PSPC1: variants seen among roughly 807,000 people sequenced by gnomAD.
PSPC1 encodes the protein paraspeckle protein 1.
In PSPC1, 14 loss-of-function variants were observed where a neutral mutation model predicts 51.6. The ratio of observed to expected loss-of-function variants is 0.27; its 90% CI spans 0.18 to 0.42. PSPC1 has a LOEUF of 0.42. Ranked by LOEUF, PSPC1 falls within the 10% of genes least tolerant of loss-of-function variation. PSPC1 has a pLI of 1.00. For synonymous variants in PSPC1, 193 were observed against 231.9 expected (o/e 0.83, Z 1.53); for missense variants, 406 against 701.1 (o/e 0.58, Z 4.75).
intron 7 of PSPC1, chr13:19,675,431 C>T (rs1301800120): frequency 3.9e-5 from 6 of 152,112 alleles, no homozygotes; most frequent in African/African-American, 1.4e-4. Flanking sequence ...AAGCCAAAAC[C>T]CTCAATGCAA....
chr13:19,699,047 A>T (rs1053505378), downstream of PSPC1, among the ~76,000 whole-genome samples: 1 of 151,934 alleles, frequency 6.6e-6, no homozygotes, highest in Non-Finnish European at 1.5e-5. Context: ...GGTCAAATAA[A>T]ATCAGAAAAC....
chr13:19,734,908 G>C (rs1884584023), intron 5 of PSPC1, among the ~76,000 whole-genome samples: 1 of 151,432 alleles, frequency 6.6e-6, no homozygotes, highest in Admixed American at 6.6e-5. Context: ...AACCTGGGAA[G>C]TGGAGGTTGC....
At chr13:19,733,603 A>G (rs1884396774) in intron 5 of PSPC1, among the ~76,000 whole-genome samples, 1 of 151,888 alleles carries the variant, frequency 6.6e-6, no homozygotes, top group Non-Finnish European at 1.5e-5. Context: ...TCTACTAAAA[A>G]TACAAAAAAA....
At chr13:19,736,231 T>C (rs992488568) in intron 5 of PSPC1, among the ~76,000 whole-genome samples, 11 of 152,156 alleles carry the variant, frequency 7.2e-5, no homozygotes, top group African/African-American at 1.2e-4. Context: ...TTGTAACAGA[T>C]TTATTACTGC....
intron 4 of PSPC1, among the ~76,000 whole-genome samples, chr13:19,749,777 G>GC (rs997522840): frequency 6.6e-6 from 1 of 151,624 alleles, no homozygotes; most frequent in African/African-American, 2.4e-5. Flanking sequence ...GATTACAGGC[G>GC]CCCGCCACCA....
chr13:19,722,342 T>C (rs79190138), intron 6 of PSPC1, among the ~76,000 whole-genome samples: 2 of 151,080 alleles, frequency 1.3e-5, no homozygotes, highest in African/African-American at 4.9e-5. Context: ...ACAAAAAAAA[T>C]GTTTTTAATT....
At chr13:19,698,437 G>T (rs1237559987), downstream of PSPC1, among the ~76,000 whole-genome samples, 1 of 151,738 alleles carries the variant, frequency 6.6e-6, no homozygotes, top group Non-Finnish European at 1.5e-5. Context: ...GTAGGACCTC[G>T]TATTTAATGA....
intron 4 of PSPC1, among the ~76,000 whole-genome samples, chr13:19,747,517 G>C (rs1208512310): frequency 1.3e-5 from 2 of 152,090 alleles, no homozygotes; most frequent in Admixed American, 6.6e-5. Flanking sequence ...ACTTTTGGTA[G>C]AGACGGGGTC....
intron 5 of PSPC1, among the ~76,000 whole-genome samples, chr13:19,740,209 G>A (rs988493480): frequency 6.6e-6 from 1 of 152,104 alleles, no homozygotes; most frequent in Non-Finnish European, 1.5e-5. Flanking sequence ...CGAGCATGGT[G>A]GCACATGCCT....
chr13:19,691,208 A>T (rs866382242), intron 6 of PSPC1, among the ~76,000 whole-genome samples: 4 of 152,182 alleles, frequency 2.6e-5, no homozygotes, highest in Non-Finnish European at 5.9e-5. Flanking sequence ...CTGTGTGAAC[A>T]TTGATAAAGA....
rs1566002325 is a variant in PSPC1, at chr13:19,730,962, AAAC to A, written c.1053-621_1053-619del. On this transcript the variant is annotated intron_variant, in intron 5 of 8. Coordinates refer to ENST00000338910, the MANE Select transcript of PSPC1 (RefSeq NM_001354909.2). Reference sequence around the variant, plus strand: ...CCTGTCTCAGAAAAAAAAAACAAAAAAACAAAAAAAAAAAAAACAGAAAAAGTC... The same window carrying A: ...CCTGTCTCAGAAAAAAAAAACAAAAAAAAAAAAAAAAAAACAGAAAAAGTC... Among the ~76,000 whole-genome samples the A allele has an allele frequency of 1.6e-3, 31 of 19,814 alleles. 4 individuals carry two copies. Among genetic ancestry groups the A allele is most frequent in the Middle Eastern group, 0.02 (1 of 50 alleles). 13.0% of individuals were successfully genotyped at this position (19,814 alleles called of 152,430 possible).
intron 8 of PSPC1, among the ~76,000 whole-genome samples, chr13:19,703,854 A>G (rs1034047062): frequency 2.0e-5 from 3 of 152,212 alleles, no homozygotes; most frequent in African/African-American, 7.2e-5. Flanking sequence ...ACAAACATAC[A>G]CAAAGAATTA....
chr13:19,700,167 A>C (rs1419271845), downstream of PSPC1, among the ~76,000 whole-genome samples: 2 of 152,070 alleles, frequency 1.3e-5, no homozygotes, highest in African/African-American at 4.8e-5. Context: ...AATGACTACT[A>C]ATCATTCACA....
At position 19,722,021 on chromosome 13, in the gene PSPC1, T is replaced by C. The variant is rs9551989; in HGVS notation, c.1158+8218A>G. Among the ~76,000 whole-genome samples, 294 of 152,320 alleles carry C rather than the reference T, an allele frequency of 1.9e-3. 1 individual carries two copies. Among genetic ancestry groups the C allele is most frequent in the South Asian group, 8.7e-3 (42 of 4,834 alleles). Reference sequence around the variant, plus strand: ...GACTGAAAACCATAACTGAGCTGCATTGGCATTTGAAAAACAAGACTTCAA... The same window carrying C: ...GACTGAAAACCATAACTGAGCTGCACTGGCATTTGAAAAACAAGACTTCAA... On this transcript the variant is annotated intron_variant, in intron 6 of 8. Transcript: ENST00000338910.
chr13:19,691,024 TG>T (rs1878475096), intron 6 of PSPC1, among the ~76,000 whole-genome samples: 2 of 152,212 alleles, frequency 1.3e-5, no homozygotes, highest in South Asian at 4.1e-4. Context: ...CACTATTATA[TG>T]CACAGACTGA....
At chr13:19,729,552 G>A (rs1333032427) in intron 6 of PSPC1, among the ~76,000 whole-genome samples, 4 of 149,376 alleles carry the variant, frequency 2.7e-5, no homozygotes, top group African/African-American at 9.8e-5. Flanking sequence ...AAAAAAAAAG[G>A]TTACTAAAAT....
rs1163274882 is a variant in PSPC1, at chr13:19,685,333, T to C, written c.1159-7510A>G. Among the ~76,000 whole-genome samples the C allele has an allele frequency of 2.0e-5, 3 of 152,220 alleles. No individual in the cohort carries two copies. The East Asian group carries it at 5.8e-4, about 29-fold the overall frequency. On this transcript the variant is annotated intron_variant and NMD_transcript_variant, in intron 6 of 7. Coordinates refer to the PSPC1 transcript ENST00000471658. ...ACATACTATTTCCCACTTTCAGTCA[T>C]AATCAGGGCTCATTAAAAGCACTCC...
At chr13:19,701,732 CAT>C (rs2137712681), downstream of PSPC1, among the ~76,000 whole-genome samples, 1 of 152,306 alleles carries the variant, frequency 6.6e-6, no homozygotes, top group African/African-American at 2.4e-5. Flanking sequence ...CCACTATTTA[CAT>C]AGTGTTTATT....
intron 3 of PSPC1, among the ~76,000 whole-genome samples, chr13:19,757,184 A>T (rs1887170675): frequency 6.6e-6 from 1 of 151,838 alleles, no homozygotes; most frequent in Non-Finnish European, 1.5e-5. Flanking sequence ...CACCACAACA[A>T]AGCTTTGGGA....
Sources: allele counts gnomAD v4.1 joint callset (sites outside exome capture counted in the v4.1 genomes callset), GRCh38; gene constraint gnomAD v4.1.1; transcripts MANE v1.5; gene names NCBI Gene and HGNC (gene_info 2026-07-23, HGNC 2026-07-21).